Variants in PCNX1 observed in about 807,000 individuals in gnomAD.
PCNX1 encodes pecanex-like protein 1.
A neutral mutation model predicts 242.2 loss-of-function variants in PCNX1; 78 were observed. The observed-to-expected ratio is 0.32, with a 90% CI of 0.27 to 0.39. PCNX1 has a LOEUF of 0.39. Among genes scored for constraint, PCNX1 ranks in the 10% least tolerant of loss-of-function variants. The pLI is 1.00. For missense variants in PCNX1, 2,581 were observed against 2,856.5 expected (o/e 0.90, Z 2.20); for synonymous variants, 1,024 against 1,032.9 (o/e 0.99, Z 0.17).
At chr14:70,959,268 G>T in intron 2 of PCNX1, among the ~76,000 whole-genome samples, 3 of 148,086 alleles carry the variant, frequency 2.0e-5, no homozygotes, top group African/African-American at 5.0e-5. Flanking sequence ...TAGGGTACAT[G>T]TGCACAATGT....
At chr14:70,973,068 A>G (rs1226656877) in intron 5 of PCNX1, among the ~76,000 whole-genome samples, 1 of 152,088 alleles carries the variant, frequency 6.6e-6, no homozygotes, top group Non-Finnish European at 1.5e-5. Context: ...CCTGGGCAAC[A>G]TGGTGAAGCC....
intron 3 of PCNX1, among the ~76,000 whole-genome samples, chr14:70,963,724 C>G (rs2058291266): frequency 6.6e-6 from 1 of 152,184 alleles, no homozygotes; most frequent in Non-Finnish European, 1.5e-5. Flanking sequence ...TGTATCGTTA[C>G]TACATAGCAT....
intron 1 of PCNX1, among the ~76,000 whole-genome samples, chr14:70,942,211 C>T (rs551682459): frequency 3.3e-5 from 5 of 152,276 alleles, no homozygotes; most frequent in South Asian, 2.1e-4. Context: ...GCATCGCTCA[C>T]GCTGGGAGCT....
At chr14:71,068,282 G>A (rs2061496699) in intron 26 of PCNX1, among the ~76,000 whole-genome samples, 1 of 151,912 alleles carries the variant, frequency 6.6e-6, no homozygotes, top group Admixed American at 6.6e-5. Flanking sequence ...TGTGAGCAAA[G>A]ATTGTGCCAC....
In PCNX1 at chr14:71,076,177, T is replaced by C. The variant is rs1383239367; in HGVS notation, c.5107-12T>C. ...AATCTGAATTCTTTTTTTTTTGTCT[T>C]GTTCATGTTAGGGTATCATTTATTA... is the stretch of plus-strand genomic sequence containing the variant. On this transcript the variant is annotated splice_polypyrimidine_tract_variant and intron_variant, in intron 27 of 35. Transcript: ENST00000304743. The C allele has an allele frequency of 3.4e-6, 5 of 1,482,952 alleles. No individual in the cohort carries two copies. Among genetic ancestry groups the C allele is most frequent in the African/African-American group, 1.4e-5 (1 of 72,054 alleles). 91.9% of individuals were successfully genotyped at this position (1,482,952 alleles called of 1,614,324 possible).
At position 70,977,866 on chromosome 14, in the gene PCNX1, C is replaced by T. The variant is rs1398228613; in HGVS notation, c.1529C>T (p.Thr510Ile). The change falls in exon 6 of 36, where the codon ACT becomes ATT. Residue 510 changes from threonine to isoleucine, a missense_variant. By Grantham distance (89) the Thr-to-Ile change is moderately conservative. Transcript: ENST00000304743. Reference sequence around the variant, plus strand: ...CAAGGGGACAGACCACCTGGGAACACTGCAGAAAACAAAGAAGAGAAGAGT... The same window carrying T: ...CAAGGGGACAGACCACCTGGGAACATTGCAGAAAACAAAGAAGAGAAGAGT... ...TSQGDRPPGN[T>I]AENKEEKSDK... 1.9e-6 allele frequency: 3 copies of T among 1,614,138 alleles called. No individual in the cohort carries two copies. Among genetic ancestry groups the T allele is most frequent in the African/African-American group, 1.3e-5 (1 of 75,028 alleles).
At chr14:71,072,980 CA>C (rs2061621604) in intron 26 of PCNX1, among the ~76,000 whole-genome samples, 1 of 152,168 alleles carries the variant, frequency 6.6e-6, no homozygotes, top group Admixed American at 6.5e-5. Flanking sequence ...ATCAGTAAGT[CA>C]AAATTAAAGT....
Position 70,988,646 on chromosome 14 carries a change from C to T in PCNX1, c.2391C>T (p.His797=). 3 of 1,614,110 alleles carry T rather than the reference C, an allele frequency of 1.9e-6. No homozygotes were observed. Among genetic ancestry groups the T allele is most frequent in the Non-Finnish European group, 2.5e-6 (3 of 1,179,974 alleles). Residue 797 remains histidine, a synonymous_variant, in exon 7 of 36, where the codon CAC becomes CAT. Coordinates refer to ENST00000304743, the MANE Select transcript of PCNX1 (RefSeq NM_014982.3). ...GGCGCCAGGCAGTACGGCGCCGGCACAATGCAGGGAGTAACCCTACCCCTC... is the reference window on the plus strand; with the variant it reads ...GGCGCCAGGCAGTACGGCGCCGGCATAATGCAGGGAGTAACCCTACCCCTC... ...TFRRQAVRRR[H]NAGSNPTPPT...
chr14:70,920,342 G>T (rs1252500956), intron 1 of PCNX1, among the ~76,000 whole-genome samples: 1 of 152,126 alleles, frequency 6.6e-6, no homozygotes, highest in Non-Finnish European at 1.5e-5. Flanking sequence ...TTCAGTCCAG[G>T]CCACTGTGTT....
In PCNX1 at chr14:71,110,213, A is replaced by T. The variant is rs1359811987; in HGVS notation, c.*278A>T. 2.3e-6 allele frequency: 1 copy of T among 429,856 alleles called. No individual in the cohort carries two copies. The highest frequency in any genetic ancestry group is 4.3e-6 in the Non-Finnish European group (1 of 232,440). The allele number at this position is 429,856 out of a possible 1,614,324, so 26.6% of individuals were successfully genotyped here. A position where few individuals can be genotyped will look rare whatever the true frequency, so the allele number is the denominator to read the frequency against. On this transcript the variant is annotated 3_prime_UTR_variant, in exon 36 of 36. Transcript: ENST00000304743. ...GTTCTGTTAAAATACATCCTTAAAAAAAGTTTTTCCTATGCATTGCCTATG... is the reference window on the plus strand; with the variant it reads ...GTTCTGTTAAAATACATCCTTAAAATAAGTTTTTCCTATGCATTGCCTATG...
chr14:71,062,383 T>A (rs28893800), intron 26 of PCNX1, among the ~76,000 whole-genome samples: 6 of 151,890 alleles, frequency 4.0e-5, no homozygotes, highest in African/African-American at 1.4e-4. Context: ...CAAAAAAGCT[T>A]AAAAAGTAAA....
chr14:71,007,807 G>A (rs1002863027), intron 8 of PCNX1, among the ~76,000 whole-genome samples: 3 of 150,482 alleles, frequency 2.0e-5, no homozygotes, highest in African/African-American at 7.3e-5. Flanking sequence ...TTTTTCGGTA[G>A]CAACTTCTGT....
intron 6 of PCNX1, among the ~76,000 whole-genome samples, chr14:70,980,170 A>G (rs905676808): frequency 2.6e-5 from 4 of 152,142 alleles, no homozygotes; most frequent in African/African-American, 9.6e-5. Flanking sequence ...TACTGAAAAA[A>G]TGTGTACAAA....
chr14:70,927,002 G>A (rs889363431), intron 1 of PCNX1, among the ~76,000 whole-genome samples: 6 of 152,130 alleles, frequency 3.9e-5, no homozygotes, highest in African/African-American at 1.4e-4. Context: ...ACTTTCTGCC[G>A]CTTACCAGCT....
intron 6 of PCNX1, among the ~76,000 whole-genome samples, chr14:70,985,983 A>G (rs529386174): frequency 9.9e-4 from 151 of 152,228 alleles, no homozygotes; most frequent in African/African-American, 3.5e-3. Flanking sequence ...TGGATTCTGG[A>G]AGGGAATATT....
intron 28 of PCNX1, among the ~76,000 whole-genome samples, chr14:71,082,669 C>A (rs988799580): frequency 2.6e-5 from 4 of 152,066 alleles, no homozygotes; most frequent in Admixed American, 2.0e-4. Flanking sequence ...AGGATTGCAA[C>A]CCCTGCTTTT....
rs561331719 is a variant in PCNX1 at position 71,022,462 on chromosome 14, T to G, written c.3151-738T>G. Among the ~76,000 whole-genome samples the G allele has an allele frequency of 3.0e-4, 45 of 152,300 alleles. No homozygotes were observed. The East Asian group carries it at 4.8e-3, about 16-fold the overall frequency. ...GCTGTGGTTAAAAGAGTTTAAAGAT[T>G]ATCTGGAGTCAAATCTAGCCAAGGG... On this transcript the variant is annotated intron_variant, in intron 12 of 35. Transcript: ENST00000304743.
chr14:71,080,796 C>T (rs2061834852), intron 28 of PCNX1, among the ~76,000 whole-genome samples: 1 of 152,172 alleles, frequency 6.6e-6, no homozygotes, highest in Non-Finnish European at 1.5e-5. Context: ...TCTAAATATA[C>T]AGTCATGTCA....
At chr14:71,012,690 G>A (rs1218098209) in intron 10 of PCNX1, 2 of 333,802 alleles carry the variant, frequency 6.0e-6, no homozygotes, top group Non-Finnish European at 1.1e-5. Flanking sequence ...AGAATTAGCC[G>A]GGCATGGTGG....
Sources: gnomAD v4.1 joint callset for allele counts (sites outside exome capture counted in the v4.1 genomes callset) on GRCh38, gnomAD v4.1.1 for gene constraint, MANE v1.5 for transcripts, NCBI Gene and HGNC (gene_info 2026-07-23, HGNC 2026-07-21) for gene names.